The following GRM8 variants were observed in gnomAD, a reference collection of about 807,000 sequenced individuals.
The protein encoded by GRM8 is metabotropic glutamate receptor 8.
Under a neutral mutation model 87.2 loss-of-function variants are expected in GRM8, and 47 were observed. The ratio of observed to expected loss-of-function variants is 0.54; its 90% CI spans 0.43 to 0.69. GRM8 has a LOEUF of 0.69. Ranked by LOEUF, GRM8 falls within the 30% of genes least tolerant of loss-of-function variation. GRM8 has a pLI of 0.00. For synonymous variants in GRM8, 396 were observed against 404.5 expected, an observed-to-expected ratio of 0.98 and a Z score of 0.25; for missense variants, 1,019 against 1,139.2, an observed-to-expected ratio of 0.89 and a Z score of 1.52.
At chr7:126,844,699 C>T (rs930514550) in intron 6 of GRM8, among the ~76,000 whole-genome samples, 3 of 152,122 alleles carry the variant, frequency 2.0e-5, no homozygotes, top group Non-Finnish European at 4.4e-5. Flanking sequence ...CTGGGGAGAG[C>T]TCTCTTTCTG....
chr7:126,637,803 T>C (rs553117351), intron 7 of GRM8, among the ~76,000 whole-genome samples: 1 of 152,168 alleles, frequency 6.6e-6, no homozygotes, highest in Non-Finnish European at 1.5e-5. Flanking sequence ...ATCATTACCA[T>C]CTGCCCCTAA....
At chr7:126,928,054 T>C (rs1805328651) in intron 3 of GRM8, among the ~76,000 whole-genome samples, 1 of 152,146 alleles carries the variant, frequency 6.6e-6, no homozygotes, top group African/African-American at 2.4e-5. Flanking sequence ...ACGGATGAGT[T>C]CATGTCCTTT....
intron 7 of GRM8, among the ~76,000 whole-genome samples, chr7:126,661,609 T>A (rs1305095169): frequency 6.6e-6 from 1 of 152,154 alleles, no homozygotes; most frequent in East Asian, 1.9e-4. Flanking sequence ...CTGAAGAGCC[T>A]GAGAATGGAA....
intron 6 of GRM8, among the ~76,000 whole-genome samples, chr7:126,863,647 G>A (rs1394994796): frequency 6.6e-6 from 1 of 152,120 alleles, no homozygotes; most frequent in Non-Finnish European, 1.5e-5. Context: ...TTCAGAGCAT[G>A]CAGTCATACA....
intron 2 of GRM8, chr7:127,118,206 G>A (rs1217560152): frequency 1.3e-5 from 2 of 152,132 alleles, no homozygotes; most frequent in East Asian, 1.9e-4. Flanking sequence ...GTCTTCATTC[G>A]AGCTCCATTT....
intron 6 of GRM8, among the ~76,000 whole-genome samples, chr7:126,849,260 G>C (rs1244796113): frequency 2.0e-5 from 3 of 152,084 alleles, no homozygotes; most frequent in African/African-American, 7.2e-5. Context: ...CTGGACTGTT[G>C]GTCTAGTTTT....
chr7:126,480,349 A>T (rs147355674), intron 9 of GRM8, among the ~76,000 whole-genome samples: 1,971 of 152,146 alleles, frequency 0.013, 41 homozygotes, highest in African/African-American at 0.046. Context: ...GTGCCACTGC[A>T]CTCCAGTCTG....
At chr7:127,149,501 G>A (rs1050042532) in intron 2 of GRM8, among the ~76,000 whole-genome samples, 2 of 152,028 alleles carry the variant, frequency 1.3e-5, no homozygotes, top group Non-Finnish European at 2.9e-5. Context: ...AAAAGAATAT[G>A]GAGGTTTCTA....
At chr7:127,180,019 T>C (rs1794343761) in intron 2 of GRM8, among the ~76,000 whole-genome samples, 1 of 151,712 alleles carries the variant, frequency 6.6e-6, no homozygotes, top group African/African-American at 2.4e-5. Context: ...CAGAACTAAA[T>C]GAAATTGAAA....
intron 2 of GRM8, among the ~76,000 whole-genome samples, chr7:127,159,015 G>A (rs1251117097): frequency 6.6e-6 from 1 of 152,284 alleles, no homozygotes; most frequent in East Asian, 1.9e-4. Flanking sequence ...ATGCTCCCCA[G>A]GAGAAAGCCT....
intron 3 of GRM8, among the ~76,000 whole-genome samples, chr7:126,975,983 T>A (rs553005111): frequency 1.4e-4 from 21 of 152,256 alleles, no homozygotes; most frequent in African/African-American, 5.1e-4. Context: ...TCAACCCAGA[T>A]GGACAAACAA....
chr7:126,789,443 C>T (rs6951771), intron 6 of GRM8, among the ~76,000 whole-genome samples: 68,611 of 151,920 alleles, frequency 0.45, 15,893 homozygotes, highest in African/African-American at 0.48. Context: ...TTTGCTGCCC[C>T]GACAGACGAC....
chr7:126,947,333 A>T (rs1324092735), intron 3 of GRM8, among the ~76,000 whole-genome samples: 1 of 152,190 alleles, frequency 6.6e-6, no homozygotes, highest in Non-Finnish European at 1.5e-5. Context: ...TAACATTAAT[A>T]CTTTGCCCCT....
At chr7:126,883,280 A>C (rs747937382) in intron 6 of GRM8, among the ~76,000 whole-genome samples, 2 of 152,218 alleles carry the variant, frequency 1.3e-5, no homozygotes, top group Non-Finnish European at 2.9e-5. Flanking sequence ...GTTCAGCCTC[A>C]TTTTAACTAT....
At chr7:126,790,584 T>C (rs1012143960) in intron 6 of GRM8, among the ~76,000 whole-genome samples, 10 of 152,208 alleles carry the variant, frequency 6.6e-5, no homozygotes, top group African/African-American at 2.2e-4. Context: ...TTTAAAAGTT[T>C]ACTTTTTTTC....
rs551450176 is a variant in GRM8 at position 127,201,776 on chromosome 7, C to CA, written c.510+40918dup. ...TCTGTGAGTACCAATAGGGTGAAGTCAAAAAATGACTCCACCATTCTGTGG... is the reference window on the plus strand; with the variant it reads ...TCTGTGAGTACCAATAGGGTGAAGTCAAAAAAATGACTCCACCATTCTGTGG... On this transcript the variant is annotated intron_variant, in intron 2 of 10. Coordinates refer to ENST00000339582, the MANE Select transcript of GRM8 (RefSeq NM_000845.3). Among the ~76,000 whole-genome samples, 246 of 152,036 alleles carry CA rather than the reference C, an allele frequency of 1.6e-3. 1 individual carries two copies. The highest frequency in any genetic ancestry group is 5.6e-3 in the African/African-American group (234 of 41,480).
chr7:127,125,880 T>C, intron 2 of GRM8, among the ~76,000 whole-genome samples: 1 of 151,188 alleles, frequency 6.6e-6, no homozygotes, highest in Non-Finnish European at 1.5e-5. Flanking sequence ...AAAAAATACT[T>C]TACATCACTA....
At chr7:127,181,221 T>G (rs1303765551) in intron 2 of GRM8, among the ~76,000 whole-genome samples, 3 of 151,846 alleles carry the variant, frequency 2.0e-5, no homozygotes, top group African/African-American at 7.3e-5. Flanking sequence ...GAGAATCAAA[T>G]CAAGAACCCA....
At chr7:126,770,111 A>G (rs1376906615) in intron 6 of GRM8, 46 bp from the exon 7 acceptor site, 1 of 1,315,416 alleles carries the variant, frequency 7.6e-7, no homozygotes, top group Non-Finnish European at 1.1e-6. Context: ...TTAGATTCCA[A>G]TAAAAGACAG....
Sources: allele counts gnomAD v4.1 joint callset (sites outside exome capture counted in the v4.1 genomes callset), GRCh38; gene constraint gnomAD v4.1.1; transcripts MANE v1.5; gene names NCBI Gene and HGNC (gene_info 2026-07-23, HGNC 2026-07-21).